The following EFCAB6 variants were observed in gnomAD, a reference collection of about 807,000 sequenced individuals.
EFCAB6 encodes EF-hand calcium binding domain 6.
In EFCAB6, 156 loss-of-function variants were observed where a neutral mutation model predicts 169.8. That is an observed-to-expected ratio of 0.92 (90% CI 0.81 to 1.05). The LOEUF is 1.05. Ranked by LOEUF, EFCAB6 falls within the 50% of genes least tolerant of loss-of-function variation. The pLI is 0.00. For missense variants in EFCAB6, 1,800 were observed against 1,829.1 expected (o/e 0.98, Z 0.29); for synonymous variants, 698 against 676.4 (o/e 1.03, Z -0.50).
chr22:43,696,470 T>C (rs929489127), intron 10 of EFCAB6, among the ~76,000 whole-genome samples: 4 of 152,176 alleles, frequency 2.6e-5, no homozygotes, highest in African/African-American at 7.2e-5. Context: ...AATGAAAACA[T>C]GTCCACACAA....
At chr22:43,694,047 G>A (rs1569402201) in intron 10 of EFCAB6, among the ~76,000 whole-genome samples, 2 of 151,862 alleles carry the variant, frequency 1.3e-5, no homozygotes, top group East Asian at 1.9e-4. Context: ...AGAATGGAGA[G>A]GACAGAGAAA....
chr22:43,549,902 CA>C (rs1373785685), intron 27 of EFCAB6, among the ~76,000 whole-genome samples: 1 of 152,086 alleles, frequency 6.6e-6, no homozygotes, highest in African/African-American at 2.4e-5. Flanking sequence ...AAATTGAACC[CA>C]AAAAACTACT....
chr22:43,562,954 G>T (rs372063996), intron 26 of EFCAB6, among the ~76,000 whole-genome samples: 2 of 152,220 alleles, frequency 1.3e-5, no homozygotes, highest in Non-Finnish European at 2.9e-5. Flanking sequence ...GGGTCTCTCC[G>T]GGTAGGCACA....
rs143918641 is a variant in EFCAB6, at chr22:43,694,043, G to C, written c.1032-6462C>G. ...ACTGAATAGGCTTAACAAAAGAATG[G>C]AGAGGACAGAGAAAAGAGTGAGTGA... On this transcript the variant is annotated intron_variant, in intron 10 of 31. Coordinates refer to ENST00000262726, the MANE Select transcript of EFCAB6 (RefSeq NM_022785.4). 7.0e-3 allele frequency among the ~76,000 whole-genome samples: 1,060 copies of C among 152,026 alleles called. 10 individuals carry two copies. Among genetic ancestry groups the C allele is most frequent in the African/African-American group, 0.024 (1,014 of 41,504 alleles).
chr22:43,735,923 C>T lies in EFCAB6; in HGVS notation c.578G>A (p.Arg193Gln), dbSNP rs146629974. Reference protein sequence around the residue: ...LIDVNKTGLVRPQELRRVLET... With the variant: ...LIDVNKTGLVQPQELRRVLET... ...CAGAACCCTTCTTAGCTCCTGCGGT[C>T]GAACCAGTCCAGTCTTGTTAACATC... The change falls in exon 7 of 32, where the codon CGA becomes CAA. Residue 193 changes from arginine to glutamine, a missense_variant. Arg to Gln is a conservative substitution (Grantham distance 43). Transcript: ENST00000262726. 23,853 of 1,614,074 alleles carry T rather than the reference C, an allele frequency of 0.015. 233 individuals carry two copies. Among genetic ancestry groups the T allele is most frequent in the Middle Eastern group, 0.036 (220 of 6,060 alleles).
At chr22:43,578,290 C>T (rs944374467) in intron 25 of EFCAB6, among the ~76,000 whole-genome samples, 1 of 152,148 alleles carries the variant, frequency 6.6e-6, no homozygotes, top group East Asian at 1.9e-4. Flanking sequence ...CTCATTAGGG[C>T]TTGTGGCCCC....
intron 10 of EFCAB6, among the ~76,000 whole-genome samples, chr22:43,698,650 TA>T: frequency 6.6e-6 from 1 of 152,276 alleles, no homozygotes; most frequent in Admixed American, 6.5e-5. Flanking sequence ...CCTGTGAAGT[TA>T]GGGTGCTGTG....
At chr22:43,739,263 C>CGCCTTTGACACAGCTGCT (rs1236040876) in intron 6 of EFCAB6, among the ~76,000 whole-genome samples, 23 of 152,372 alleles carry the variant, frequency 1.5e-4, no homozygotes, top group Non-Finnish European at 2.5e-4. Flanking sequence ...TCCCAGCAGC[C>CGCCTTTGACACAGCTGCT]GCCTTTGACA....
chr22:43,743,590 A>T (rs911013744), intron 6 of EFCAB6, among the ~76,000 whole-genome samples: 5 of 152,236 alleles, frequency 3.3e-5, no homozygotes, highest in African/African-American at 4.8e-5. Flanking sequence ...TGCTTCACAC[A>T]CGGAACACGT....
At chr22:43,531,020 T>C in intron 30 of EFCAB6, 56 bp from the exon 31 acceptor site, 2 of 1,607,880 alleles carry the variant, frequency 1.2e-6, no homozygotes, top group East Asian at 4.5e-5. Flanking sequence ...AGGGTTGGGG[T>C]GGGCTCCTCC....
intron 4 of EFCAB6, among the ~76,000 whole-genome samples, chr22:43,765,696 C>A (rs570324999): frequency 2.6e-5 from 4 of 152,116 alleles, no homozygotes; most frequent in Non-Finnish European, 5.9e-5. Context: ...TCTATATATA[C>A]TCTAATATGT....
chr22:43,729,746 T>C (rs1409140907), intron 8 of EFCAB6, among the ~76,000 whole-genome samples: 3 of 152,028 alleles, frequency 2.0e-5, no homozygotes, highest in African/African-American at 7.2e-5. Flanking sequence ...TGGAAAATAA[T>C]ATTGTAGACC....
chr22:43,700,475 T>C (rs1054746365), intron 10 of EFCAB6, among the ~76,000 whole-genome samples: 1 of 152,240 alleles, frequency 6.6e-6, no homozygotes, highest in Admixed American at 6.5e-5. Context: ...ATTTAAATTG[T>C]ACTTCTTAAG....
intron 12 of EFCAB6, among the ~76,000 whole-genome samples, chr22:43,680,482 A>G (rs1230355826): frequency 1.3e-5 from 2 of 148,726 alleles, no homozygotes; most frequent in African/African-American, 2.5e-5. Context: ...GCAAAAAAAA[A>G]GAAAAAAAAA....
chr22:43,611,158 G>T (rs1439337322), intron 21 of EFCAB6, among the ~76,000 whole-genome samples: 1 of 152,140 alleles, frequency 6.6e-6, no homozygotes, highest in Admixed American at 6.5e-5. Flanking sequence ...GTCATTGATA[G>T]TTCACCAGTC....
chr22:43,776,251 C>T (rs1452657064), intron 3 of EFCAB6, among the ~76,000 whole-genome samples: 3 of 152,106 alleles, frequency 2.0e-5, no homozygotes, highest in African/African-American at 4.8e-5. Flanking sequence ...GAGAAGGGGC[C>T]GTGGGAAACA....
At chr22:43,715,139 T>C (rs1190585428) in intron 9 of EFCAB6, among the ~76,000 whole-genome samples, 2 of 152,208 alleles carry the variant, frequency 1.3e-5, no homozygotes, top group Admixed American at 1.3e-4. Context: ...TCTTAATAGC[T>C]TTTAAAATCT....
intron 21 of EFCAB6, among the ~76,000 whole-genome samples, chr22:43,612,150 C>T (rs192327885): frequency 1.4e-4 from 22 of 152,238 alleles, no homozygotes; most frequent in Admixed American, 5.2e-4. Context: ...ATAACAAATA[C>T]CCCTTCCTTA....
chr22:43,584,927 A>T (rs2147346152), intron 24 of EFCAB6, among the ~76,000 whole-genome samples: 1 of 152,310 alleles, frequency 6.6e-6, no homozygotes, highest in East Asian at 1.9e-4. Flanking sequence ...AAACAAGGAC[A>T]CTGGAGTAAA....
Sources: gnomAD v4.1 joint callset for allele counts (sites outside exome capture counted in the v4.1 genomes callset) on GRCh38, gnomAD v4.1.1 for gene constraint, MANE v1.5 for transcripts, NCBI Gene and HGNC (gene_info 2026-07-23, HGNC 2026-07-21) for gene names.